AKAP8L: variants seen among roughly 807,000 people sequenced by gnomAD.
AKAP8L encodes A-kinase anchor protein 8-like.
A neutral mutation model predicts 77.5 loss-of-function variants in AKAP8L; 34 were observed. The observed-to-expected ratio is 0.44, with a 90% CI of 0.33 to 0.58. AKAP8L has a LOEUF of 0.58. Ranked by LOEUF, AKAP8L falls within the 20% of genes least tolerant of loss-of-function variation. The probability of loss-of-function intolerance (pLI) is 0.02; values close to 1 mark genes in which losing one functional copy is unlikely to be tolerated. For synonymous variants in AKAP8L, 342 were observed against 340.7 expected (o/e 1.00, Z -0.04); for missense variants, 806 against 887.6 (o/e 0.91, Z 1.17).
At chr19:15,391,376 TGA>T (rs1967655082) in intron 12 of AKAP8L, among the ~76,000 whole-genome samples, 1 of 124,628 alleles carries the variant, frequency 8.0e-6, no homozygotes, top group African/African-American at 3.1e-5. Flanking sequence ...GAGAATGGCG[TGA>T]ACCTGGGAGG....
chr19:15,380,351 G>A lies in AKAP8L; in HGVS notation c.1712C>T (p.Ala571Val), dbSNP rs1568258286. Residue 571 changes from alanine (A) to valine (V), a missense_variant, in exon 14 of 14, where the codon GCG becomes GTG. Physicochemically the swap from Ala to Val is moderately conservative, Grantham distance 64. Transcript: ENST00000397410. ...EAEGGALDEGAQGEAAGISEG... is the reference protein window; with the variant it reads ...EAEGGALDEGVQGEAAGISEG... ...CGAGATCCCTGCCGCTTCGCCCTGC[G>A]CCCCCTCGTCCAGGGCACCGCCCTC... The A allele has an allele frequency of 1.3e-6, 2 of 1,549,262 alleles. No homozygotes were observed. Among genetic ancestry groups the A allele is most frequent in the Non-Finnish European group, 1.7e-6 (2 of 1,151,574 alleles).
chr19:15,395,909 G>C (rs1004293340), intron 12 of AKAP8L, among the ~76,000 whole-genome samples: 14 of 135,028 alleles, frequency 1.0e-4, no homozygotes, highest in African/African-American at 3.9e-4. Flanking sequence ...GCGTGAACCC[G>C]GGAGGCGGAG....
intron 2 of AKAP8L, among the ~76,000 whole-genome samples, chr19:15,406,552 G>C (rs779316567): frequency 6.6e-6 from 1 of 151,884 alleles, no homozygotes; most frequent in Non-Finnish European, 1.5e-5. Context: ...CTGCATCCTC[G>C]ACTTCTTGGG....
In AKAP8L at chr19:15,397,974, C is replaced by A; in HGVS notation, c.1158-119G>T. 1 of 1,297,244 alleles carries A rather than the reference C, an allele frequency of 7.7e-7. No homozygotes were observed. Among genetic ancestry groups the A allele is most frequent in the South Asian group, 1.4e-5 (1 of 71,664 alleles). 80.4% of individuals were successfully genotyped at this position (1,297,244 alleles called of 1,614,324 possible). On this transcript the variant is annotated intron_variant, in intron 9 of 13. Coordinates refer to ENST00000397410, the MANE Select transcript of AKAP8L (RefSeq NM_014371.4). The surrounding 1 kb of genome is among the most constrained non-coding windows in gnomAD (Gnocchi z 4.7). ...GCCTTGCTCACGGGCCTCTGAAGTA[C>A]GGTCCCAGCAGAGGGACAGGCTGGG... is the stretch of plus-strand genomic sequence containing the variant.
At chr19:15,388,605 A>G (rs939321644) in intron 12 of AKAP8L, among the ~76,000 whole-genome samples, 1 of 152,196 alleles carries the variant, frequency 6.6e-6, no homozygotes, top group African/African-American at 2.4e-5. Flanking sequence ...AGGACTCAAC[A>G]GATTTGAACT....
At chr19:15,391,885 G>T (rs1967670875) in intron 12 of AKAP8L, among the ~76,000 whole-genome samples, 1 of 152,012 alleles carries the variant, frequency 6.6e-6, no homozygotes, top group African/African-American at 2.4e-5. Flanking sequence ...CACTCATGCT[G>T]GAGTGCATGG....
chr19:15,380,118 C>G lies in AKAP8L; in HGVS notation c.*4G>C. 6.8e-7 allele frequency: 1 copy of G among 1,480,174 alleles called. No individual in the cohort carries two copies. The highest frequency in any genetic ancestry group is 8.9e-7 in the Non-Finnish European group (1 of 1,126,072). 91.7% of individuals were successfully genotyped at this position (1,480,174 alleles called of 1,614,324 possible). ...ACGCGGGCTCCGCCCGCCCCGAGCT[C>G]GGGTCACGGGGCGCCCCCGCCGCCC... On this transcript the variant is annotated 3_prime_UTR_variant, in exon 14 of 14. Coordinates refer to ENST00000397410, the MANE Select transcript of AKAP8L (RefSeq NM_014371.4).
intron 2 of AKAP8L, among the ~76,000 whole-genome samples, 163 bp downstream of exon 2, chr19:15,410,357 A>G (rs1315231770): frequency 1.3e-5 from 2 of 152,180 alleles, no homozygotes; most frequent in Non-Finnish European, 2.9e-5. Context: ...CTTTTCCCAT[A>G]ATTGCCTGAA....
chr19:15,415,568 A>G (rs1437709137), intron 1 of AKAP8L, among the ~76,000 whole-genome samples: 1 of 151,602 alleles, frequency 6.6e-6, no homozygotes, highest in Non-Finnish European at 1.5e-5. Flanking sequence ...ATAGCTCAGC[A>G]ATGTTGAACT....
chr19:15,412,772 A>G (rs557461425), intron 1 of AKAP8L, among the ~76,000 whole-genome samples: 23 of 152,254 alleles, frequency 1.5e-4, no homozygotes, highest in Non-Finnish European at 2.4e-4. Flanking sequence ...TCGATCTCCT[A>G]ACCTTGTGAT....
At chr19:15,385,884 C>A (rs1967523975) in intron 12 of AKAP8L, among the ~76,000 whole-genome samples, 2 of 151,902 alleles carry the variant, frequency 1.3e-5, no homozygotes, top group African/African-American at 2.4e-5. Context: ...CAGGTATAAG[C>A]CACTATATCC....
chr19:15,384,302 G>GTTT (rs35204682), intron 12 of AKAP8L, among the ~76,000 whole-genome samples: 12 of 137,978 alleles, frequency 8.7e-5, no homozygotes, highest in South Asian at 6.8e-4. Context: ...TTCCCTCCCT[G>GTTT]TTTTTTTTTT....
At position 15,403,888 on chromosome 19, in the gene AKAP8L, T is replaced by C; in HGVS notation, c.121+122A>G. 2 of 1,228,258 alleles carry C rather than the reference T, an allele frequency of 1.6e-6. No individual in the cohort carries two copies. The highest frequency in any genetic ancestry group is 1.5e-5 in the African/African-American group (1 of 66,384). The allele number at this position is 1,228,258 out of a possible 1,614,324, so 76.1% of individuals were successfully genotyped here. A position where few individuals can be genotyped will look rare whatever the true frequency, so the allele number is the denominator to read the frequency against. ...CTGATGAGGGCCTCCTGTTAAGGAG[T>C]AGGTAACCCCAGAAACATGCCCCCT... On this transcript the variant is annotated intron_variant, in intron 3 of 13. Coordinates refer to ENST00000397410, the MANE Select transcript of AKAP8L (RefSeq NM_014371.4). The surrounding 1 kb of genome is among the most constrained non-coding windows in gnomAD (Gnocchi z 4.3).
At position 15,398,133 on chromosome 19, in the gene AKAP8L, C is replaced by A; in HGVS notation, c.1158-278G>T. ...CTGAGACAGCAGCTGCTGCAACAGG[C>A]AACGAGTCGCTGGAAAGTTGCTGGA... On this transcript the variant is annotated intron_variant, in intron 9 of 13. Coordinates refer to ENST00000397410, the MANE Select transcript of AKAP8L (RefSeq NM_014371.4). This position sits in a 1 kb window ranked among gnomAD's most constrained non-coding sequence, Gnocchi z 9.2. The A allele has an allele frequency of 2.1e-6, 1 of 470,264 alleles. No homozygotes were observed. Among genetic ancestry groups the A allele is most frequent in the Non-Finnish European group, 3.9e-6 (1 of 257,182 alleles). 29.1% of individuals were successfully genotyped at this position (470,264 alleles called of 1,614,324 possible). A position where few individuals can be genotyped will look rare whatever the true frequency, so the allele number is the denominator to read the frequency against.
rs1465803421 is a variant in AKAP8L at position 15,380,131 on chromosome 19, GC to G, written c.1931del (p.Gly644AlafsTer?). The G allele has an allele frequency of 2.0e-6, 3 of 1,494,148 alleles. No individual in the cohort carries two copies. The allele number at this position is 1,494,148 out of a possible 1,614,324, so 92.6% of individuals were successfully genotyped here. ...CCGCCCCGAGCTCGGGTCACGGGGC[GC>G]CCCCGCCGCCCTCCTCGTCGTCCTC... ...DVEDDEEGGG[G>X]AP On this transcript the variant is annotated frameshift_variant, in exon 14 of 14. Transcript: ENST00000397410. LOFTEE classifies it high-confidence loss of function.
intron 1 of AKAP8L, among the ~76,000 whole-genome samples, chr19:15,415,100 T>C (rs558920467): frequency 2.7e-4 from 41 of 152,324 alleles, no homozygotes; most frequent in African/African-American, 9.6e-4. Context: ...GCAACACTCC[T>C]TGCTTTTAAC....
intron 1 of AKAP8L, among the ~76,000 whole-genome samples, chr19:15,414,498 T>C (rs572508475): frequency 6.6e-6 from 1 of 152,118 alleles, no homozygotes; most frequent in South Asian, 2.1e-4. Flanking sequence ...TTTTTGTTTG[T>C]TTGTTTTTGA....
intron 12 of AKAP8L, among the ~76,000 whole-genome samples, chr19:15,390,278 A>G (rs935187813): frequency 6.6e-6 from 1 of 151,988 alleles, no homozygotes; most frequent in African/African-American, 2.4e-5. Context: ...CTAGCCGGGC[A>G]TGATGTCACA....
At position 15,401,651 on chromosome 19, in the gene AKAP8L, C is replaced by T; in HGVS notation, c.363-48G>A. 1.4e-6 allele frequency: 2 copies of T among 1,441,976 alleles called. No individual in the cohort carries two copies. The highest frequency in any genetic ancestry group is 1.9e-6 in the Non-Finnish European group (2 of 1,073,870). The allele number at this position is 1,441,976 out of a possible 1,614,324, so 89.3% of individuals were successfully genotyped here. A position where few individuals can be genotyped will look rare whatever the true frequency, so the allele number is the denominator to read the frequency against. ...TCAGGTGGAGCCCCTCAGGATCCCT[C>T]ACCTCCAGGCAACTGCTCCTGCCCT... On this transcript the variant is annotated intron_variant, in intron 4 of 13. Transcript: ENST00000397410. This position sits in a 1 kb window ranked among gnomAD's most constrained non-coding sequence, Gnocchi z 6.2.
Sources: allele counts gnomAD v4.1 joint callset (sites outside exome capture counted in the v4.1 genomes callset), GRCh38; gene constraint gnomAD v4.1.1; non-coding constraint Gnocchi (gnomAD v3.1); transcripts MANE v1.5; gene names NCBI Gene and HGNC (gene_info 2026-07-23, HGNC 2026-07-21).